The following CSMD1 variants were observed in gnomAD, a reference collection of about 807,000 sequenced individuals.
CSMD1 encodes CUB and sushi domain-containing protein 1.
CSMD1 carries 213 observed loss-of-function variants against 417.5 expected under a neutral mutation model. The observed-to-expected ratio is 0.51, with a 90% CI of 0.46 to 0.57. The LOEUF (loss-of-function observed/expected upper bound fraction) is 0.57, where lower values mean the gene tolerates loss of function less well. CSMD1 is among the 20% of genes least tolerant of loss of function. CSMD1 has a pLI of 0.00. For synonymous variants in CSMD1, 2,862 were observed against 1,736.8 expected, an observed-to-expected ratio of 1.65 and a Z score of -16.11; for missense variants, 6,923 against 4,529.7, an observed-to-expected ratio of 1.53 and a Z score of -15.17.
chr8:3,632,964 T>A (rs10104318), intron 7 of CSMD1, among the ~76,000 whole-genome samples: 24,467 of 152,228 alleles, frequency 0.16, 2,375 homozygotes, highest in African/African-American at 0.26. Context: ...TACACTTTAA[T>A]AACACTTTGA....
At chr8:4,282,617 G>A (rs62478569) in intron 3 of CSMD1, among the ~76,000 whole-genome samples, 32,471 of 152,166 alleles carry the variant, frequency 0.21, 4,352 homozygotes, top group Non-Finnish European at 0.29. Flanking sequence ...GAGAAAGGTA[G>A]TTAGTATATT....
At position 4,589,727 on chromosome 8, in the gene CSMD1, G is replaced by T. The variant is rs371075766; in HGVS notation, c.302+47615C>A. ...ATTAGAAACACATGATTTCTAAATTGCCATTATCACGGCCAAAAAAATGAT... is the reference window on the plus strand; with the variant it reads ...ATTAGAAACACATGATTTCTAAATTTCCATTATCACGGCCAAAAAAATGAT... On this transcript the variant is annotated intron_variant, in intron 2 of 69. Coordinates refer to ENST00000635120, the MANE Select transcript of CSMD1 (RefSeq NM_033225.6). Among the ~76,000 whole-genome samples the T allele has an allele frequency of 4.6e-5, 7 of 152,246 alleles. No homozygotes were observed. In the East Asian group the frequency reaches 7.7e-4, roughly 17 times the overall value.
At chr8:3,571,306 A>G (rs1487272886) in intron 10 of CSMD1, among the ~76,000 whole-genome samples, 1 of 152,232 alleles carries the variant, frequency 6.6e-6, no homozygotes, top group Non-Finnish European at 1.5e-5. Context: ...TTGGATGGAC[A>G]GTAGGCACCT....
chr8:4,730,535 T>C (rs947545365), intron 1 of CSMD1, among the ~76,000 whole-genome samples: 9 of 152,064 alleles, frequency 5.9e-5, no homozygotes, highest in South Asian at 2.1e-4. Context: ...GGTCAGGAGA[T>C]GGAGACCATC....
chr8:4,636,829 G>T (rs1195281336), intron 2 of CSMD1, among the ~76,000 whole-genome samples: 3 of 152,118 alleles, frequency 2.0e-5, no homozygotes, highest in Admixed American at 2.0e-4. Flanking sequence ...TGGACTTCTT[G>T]CATTGAGTGG....
intron 10 of CSMD1, among the ~76,000 whole-genome samples, chr8:3,496,863 T>C (rs1298897950): frequency 6.6e-6 from 1 of 152,200 alleles, no homozygotes; most frequent in Non-Finnish European, 1.5e-5. Context: ...TTGTTCTTAA[T>C]TTCTTTATAG....
intron 45 of CSMD1, chr8:3,107,254 A>G (rs1461480025): frequency 6.4e-6 from 1 of 156,946 alleles, no homozygotes; most frequent in Admixed American, 6.4e-5. Context: ...CAGAAATCCT[A>G]AATATCATCA....
intron 3 of CSMD1, among the ~76,000 whole-genome samples, chr8:4,284,050 T>C (rs578058242): frequency 6.6e-6 from 1 of 152,120 alleles, no homozygotes; most frequent in Non-Finnish European, 1.5e-5. Flanking sequence ...CTGGCCATCA[T>C]TGTGAAACCT....
intron 4 of CSMD1, among the ~76,000 whole-genome samples, chr8:4,027,543 T>TGTGAAAAC (rs1415469103): frequency 1.3e-5 from 2 of 152,152 alleles, no homozygotes; most frequent in Non-Finnish European, 2.9e-5. Context: ...CCTGCTGTCC[T>TGTGAAAAC]GTGAAAACGT....
At chr8:3,227,385 G>A (rs1229400955) in intron 27 of CSMD1, among the ~76,000 whole-genome samples, 2 of 152,112 alleles carry the variant, frequency 1.3e-5, no homozygotes, top group African/African-American at 2.4e-5. Context: ...GCAACTGAGT[G>A]AGACTCTACC....
chr8:4,742,495 T>A (rs1810688210), intron 1 of CSMD1, among the ~76,000 whole-genome samples: 1 of 152,102 alleles, frequency 6.6e-6, no homozygotes, highest in African/African-American at 2.4e-5. Context: ...CACACATACA[T>A]ATACACACAT....
intron 3 of CSMD1, among the ~76,000 whole-genome samples, chr8:4,042,244 C>A (rs758362117): frequency 6.6e-6 from 1 of 152,030 alleles, no homozygotes; most frequent in Non-Finnish European, 1.5e-5. Context: ...AATCAAGGTG[C>A]CTAAATACAG....
At chr8:4,652,737 C>G (rs1211000091) in intron 1 of CSMD1, among the ~76,000 whole-genome samples, 3 of 152,238 alleles carry the variant, frequency 2.0e-5, no homozygotes, top group South Asian at 2.1e-4. Context: ...GCAGCAGTCT[C>G]CAGGCTTTTT....
intron 10 of CSMD1, among the ~76,000 whole-genome samples, chr8:3,523,690 C>A (rs923067955): frequency 6.6e-6 from 1 of 150,606 alleles, no homozygotes; most frequent in Non-Finnish European, 1.5e-5. Flanking sequence ...CCCAGAGAGA[C>A]ATATGCACAC....
intron 25 of CSMD1, among the ~76,000 whole-genome samples, chr8:3,305,321 T>TTAAAATGAGTTATTATAAAA (rs1353896284): frequency 6.6e-6 from 1 of 152,240 alleles, no homozygotes; most frequent in Non-Finnish European, 1.5e-5. Flanking sequence ...TTGATTAATT[T>TTAAAATGAGTTATTATAAAA]TAAAATGAGT....
chr8:4,623,905 T>C (rs1468046675), intron 2 of CSMD1, among the ~76,000 whole-genome samples: 1 of 152,134 alleles, frequency 6.6e-6, no homozygotes, highest in African/African-American at 2.4e-5. Context: ...AAATATTCGT[T>C]AGCTTGATGG....
chr8:3,171,906 A>G (rs76144519), intron 37 of CSMD1, among the ~76,000 whole-genome samples: 1,636 of 152,250 alleles, frequency 0.011, 33 homozygotes, highest in African/African-American at 0.036. Flanking sequence ...CTGTGTCTCT[A>G]TATTTGGGTT....
At chr8:3,813,144 G>A (rs548122241) in intron 5 of CSMD1, among the ~76,000 whole-genome samples, 106 of 146,496 alleles carry the variant, frequency 7.2e-4, no homozygotes, top group African/African-American at 2.6e-3. Flanking sequence ...TGTTCCCACT[G>A]GCATTGTAAC....
At chr8:4,819,025 G>A (rs899746879) in intron 1 of CSMD1, among the ~76,000 whole-genome samples, 3 of 152,074 alleles carry the variant, frequency 2.0e-5, no homozygotes, top group Non-Finnish European at 4.4e-5. Flanking sequence ...GGCTGGTGAG[G>A]AATAAATGGC....
Sources: gnomAD v4.1 joint callset for allele counts (sites outside exome capture counted in the v4.1 genomes callset) on GRCh38, gnomAD v4.1.1 for gene constraint, MANE v1.5 for transcripts, NCBI Gene and HGNC (gene_info 2026-07-23, HGNC 2026-07-21) for gene names.